Variants in TEX26 observed in about 807,000 individuals in gnomAD.
TEX26 encodes testis-expressed protein 26.
A neutral mutation model predicts 35.3 loss-of-function variants in TEX26; 34 were observed. The ratio of observed to expected loss-of-function variants is 0.96; its 90% CI spans 0.73 to 1.28. The LOEUF (loss-of-function observed/expected upper bound fraction) is 1.28, where lower values mean the gene tolerates loss of function less well. Among genes scored for constraint, TEX26 ranks in the 50% most tolerant of loss-of-function variants. TEX26 has a pLI of 0.00. For synonymous variants in TEX26, 136 were observed against 111.8 expected, an observed-to-expected ratio of 1.22 and a Z score of -1.36; for missense variants, 371 against 330.1, an observed-to-expected ratio of 1.12 and a Z score of -0.96.
intron 1 of TEX26, among the ~76,000 whole-genome samples, chr13:30,937,318 G>A (rs1277590592): frequency 1.3e-5 from 2 of 152,192 alleles, no homozygotes; most frequent in Non-Finnish European, 2.9e-5. Context: ...TGATTGATTG[G>A]GAGGTGCTGC....
intron 2 of TEX26, among the ~76,000 whole-genome samples, chr13:30,950,803 A>G (rs1953892436): frequency 1.3e-5 from 2 of 152,194 alleles, no homozygotes; most frequent in Non-Finnish European, 2.9e-5. Context: ...GTGTCTGTGA[A>G]ATCACTCCTA....
intron 1 of TEX26, among the ~76,000 whole-genome samples, chr13:30,938,108 C>T (rs1289901396): frequency 6.6e-6 from 1 of 152,128 alleles, no homozygotes; most frequent in Non-Finnish European, 1.5e-5. Context: ...TCCTAGAGAA[C>T]ATTGTGTATT....
rs141520316 is a variant in TEX26, at chr13:30,939,701, C to A, written c.69C>A (p.Asp23Glu). The A allele has an allele frequency of 1.9e-6, 3 of 1,613,812 alleles. No individual in the cohort carries two copies. The highest frequency in any genetic ancestry group is 2.5e-6 in the Non-Finnish European group (3 of 1,179,728). Residue 23 changes from aspartate (D) to glutamate (E), a missense_variant, in exon 2 of 7, where the codon GAC (aspartate) becomes GAA (glutamate). Transcript: ENST00000380473. ...GCTTTATTGTACTTTTAGCAGATGA[C>A]CCCAACTGGGATTCCTATGCTACCA... ...LCHHNLQPTD[D>E]PNWDSYATTM...
intron 3 of TEX26, among the ~76,000 whole-genome samples, chr13:30,953,236 C>T (rs1566152916): frequency 1.3e-5 from 2 of 152,060 alleles, no homozygotes; most frequent in African/African-American, 2.4e-5. Context: ...TTTCTATGTC[C>T]GTGGATTACC....
intron 1 of TEX26, among the ~76,000 whole-genome samples, 156 bp from the exon 2 acceptor site, chr13:30,939,538 T>C (rs61947597): frequency 0.013 from 1,941 of 152,368 alleles, 14 homozygotes; most frequent in African/African-American, 0.018. Flanking sequence ...TCCTCATTCC[T>C]ATTAGAGGCT....
chr13:30,958,565 C>T (rs921903583), intron 4 of TEX26, among the ~76,000 whole-genome samples: 5 of 152,130 alleles, frequency 3.3e-5, no homozygotes, highest in Admixed American at 2.0e-4. Flanking sequence ...CACCCGAGGA[C>T]AGGAGAATGA....
intron 3 of TEX26, among the ~76,000 whole-genome samples, chr13:30,953,542 T>C (rs1347032011): frequency 6.6e-6 from 1 of 152,242 alleles, no homozygotes; most frequent in Non-Finnish European, 1.5e-5. Flanking sequence ...TATTGTGAAT[T>C]GTGCAGCTAT....
At chr13:30,941,392 A>G (rs1263272761) in intron 2 of TEX26, among the ~76,000 whole-genome samples, 1 of 152,226 alleles carries the variant, frequency 6.6e-6, no homozygotes, top group Non-Finnish European at 1.5e-5. Flanking sequence ...AATGTTTAGG[A>G]TGAAAGCCAA....
chr13:30,938,250 C>T (rs1209237094), intron 1 of TEX26, among the ~76,000 whole-genome samples: 1 of 152,072 alleles, frequency 6.6e-6, no homozygotes, highest in Non-Finnish European at 1.5e-5. Context: ...TTTGGTGGTA[C>T]TTCGTTGACA....
At chr13:30,954,013 C>G (rs1954029302) in intron 3 of TEX26, among the ~76,000 whole-genome samples, 1 of 152,080 alleles carries the variant, frequency 6.6e-6, no homozygotes, top group Non-Finnish European at 1.5e-5. Context: ...GTTTACTCAG[C>G]TGGAACATGG....
chr13:30,937,246 T>C (rs2138165821), intron 1 of TEX26, among the ~76,000 whole-genome samples: 1 of 152,176 alleles, frequency 6.6e-6, no homozygotes, highest in Non-Finnish European at 1.5e-5. Context: ...CCAAACTATC[T>C]TCAGAAGGGA....
chr13:30,958,257 G>A (rs1437790535), intron 4 of TEX26, among the ~76,000 whole-genome samples: 2 of 152,206 alleles, frequency 1.3e-5, no homozygotes, highest in East Asian at 1.9e-4. Context: ...TTCCAGAAAT[G>A]ACATATTTGG....
intron 2 of TEX26, 109 bp downstream of exon 2, chr13:30,939,887 A>G: frequency 1.0e-6 from 1 of 973,144 alleles, no homozygotes; most frequent in Admixed American, 2.0e-5. Context: ...CTTCGTAAAA[A>G]TGCTCTTGGA....
intron 4 of TEX26, among the ~76,000 whole-genome samples, chr13:30,959,128 TG>T (rs1312865974): frequency 1.3e-5 from 2 of 152,234 alleles, no homozygotes; most frequent in Non-Finnish European, 1.5e-5. Context: ...AGTTTATACA[TG>T]GTATTCTGAA....
intron 2 of TEX26, among the ~76,000 whole-genome samples, chr13:30,948,190 C>T (rs1953787043): frequency 6.6e-6 from 1 of 152,130 alleles, no homozygotes; most frequent in Non-Finnish European, 1.5e-5. Context: ...AATAGTGCCG[C>T]AATAAACATA....
chr13:30,961,148 C>G (rs1954324125), intron 4 of TEX26, among the ~76,000 whole-genome samples: 1 of 152,186 alleles, frequency 6.6e-6, no homozygotes, highest in Non-Finnish European at 1.5e-5. Context: ...GGCTGGTGTG[C>G]AGACTTTCAC....
At chr13:30,945,399 T>A (rs187231336) in intron 2 of TEX26, among the ~76,000 whole-genome samples, 4 of 152,076 alleles carry the variant, frequency 2.6e-5, no homozygotes, top group African/African-American at 7.2e-5. Context: ...GATTTTTTTT[T>A]AATCCATTCT....
Position 30,956,912 on chromosome 13 carries a change from G to A in TEX26, c.352G>A (p.Gly118Arg). The change falls in exon 4 of 7, where the codon GGG (glycine) becomes AGG (arginine). Residue 118 changes from glycine to arginine, a missense_variant. Transcript: ENST00000380473. ...GACACTACCTCACTGTCAACAAACG[G>A]GGACACTAAAGAACTGCCTCCCTTG... ...LWTLPHCQQT[G>R]TLKNCLPWKI... 6.2e-7 allele frequency: 1 copy of A among 1,614,176 alleles called. No homozygotes were observed. Among genetic ancestry groups the A allele is most frequent in the Non-Finnish European group, 8.5e-7 (1 of 1,180,020 alleles).
intron 3 of TEX26, among the ~76,000 whole-genome samples, chr13:30,954,652 C>G (rs984157337): frequency 2.6e-5 from 4 of 152,004 alleles, no homozygotes; most frequent in Non-Finnish European, 4.4e-5. Flanking sequence ...GAGATAGAAT[C>G]TCACTCTGTT....
Sources: allele counts gnomAD v4.1 joint callset (sites outside exome capture counted in the v4.1 genomes callset), GRCh38; gene constraint gnomAD v4.1.1; transcripts MANE v1.5; gene names NCBI Gene and HGNC (gene_info 2026-07-23, HGNC 2026-07-21).